The following CSMD3 variants were observed in gnomAD, a reference collection of about 807,000 sequenced individuals.
The protein encoded by CSMD3 is CUB and Sushi multiple domains 3.
In CSMD3, 177 loss-of-function variants were observed where a neutral mutation model predicts 435.2. The observed-to-expected ratio is 0.41, with a 90% CI of 0.36 to 0.46. The LOEUF (loss-of-function observed/expected upper bound fraction) is 0.46. Among genes scored for constraint, CSMD3 ranks in the 20% least tolerant of loss-of-function variants. The probability of loss-of-function intolerance (pLI) is 0.34; values close to 1 mark genes in which losing one functional copy is unlikely to be tolerated. For synonymous variants in CSMD3, 1,656 were observed against 1,520.5 expected (o/e 1.09, Z -2.07); for missense variants, 4,265 against 4,504.6 (o/e 0.95, Z 1.52).
chr8:112,866,534 C>T (rs978273754), intron 10 of CSMD3, among the ~76,000 whole-genome samples: 33 of 151,940 alleles, frequency 2.2e-4, no homozygotes, highest in African/African-American at 7.7e-4. Context: ...ATAATGAATC[C>T]GCTAGAAGAA....
chr8:112,945,634 C>A (rs947599385), intron 9 of CSMD3, among the ~76,000 whole-genome samples: 1 of 141,082 alleles, frequency 7.1e-6, no homozygotes, highest in African/African-American at 2.6e-5. Flanking sequence ...GTATAATATT[C>A]TGAGTTTTAA....
rs1461458725 is a variant in CSMD3 at position 112,223,038 on chromosome 8, T to C, written c.*1733A>G. 5.0e-6 allele frequency: 2 copies of C among 398,416 alleles called. No homozygotes were observed. Among genetic ancestry groups the C allele is most frequent in the Non-Finnish European group, 8.9e-6 (2 of 225,754 alleles). The allele number at this position is 398,416 out of a possible 1,614,324, so 24.7% of individuals were successfully genotyped here. A position where few individuals can be genotyped will look rare whatever the true frequency, so the allele number is the denominator to read the frequency against. Reference sequence around the variant, plus strand: ...AAATATACTTCTTTACAAAAGTGTATGCATTAATATAAGAGGAGTAGCCAG... The same window carrying C: ...AAATATACTTCTTTACAAAAGTGTACGCATTAATATAAGAGGAGTAGCCAG... On this transcript the variant is annotated 3_prime_UTR_variant, in exon 71 of 71. Transcript: ENST00000297405.
chr8:113,073,856 T>C (rs1330957922), intron 5 of CSMD3, among the ~76,000 whole-genome samples: 3 of 151,840 alleles, frequency 2.0e-5, no homozygotes, highest in Non-Finnish European at 4.4e-5. Flanking sequence ...TCATCCTAAT[T>C]AATTACAGGC....
intron 3 of CSMD3, among the ~76,000 whole-genome samples, chr8:113,233,832 T>C (rs1204955151): frequency 6.6e-6 from 1 of 152,128 alleles, no homozygotes; most frequent in Non-Finnish European, 1.5e-5. Flanking sequence ...TTTAGGCTGT[T>C]AGCCACAATT....
At position 112,254,319 on chromosome 8, in the gene CSMD3, G is replaced by C. The variant is rs1815580334; in HGVS notation, c.10044C>G (p.Thr3348=). The change falls in exon 63 of 71, where the codon ACC becomes ACG. Residue 3348 remains threonine, a synonymous_variant. Transcript: ENST00000297405. ...CACCTGGGTTTTCACAAGAGGTTTGGGTAGGCTCTAAAATGAAGATTAAAA... is the reference window on the plus strand; with the variant it reads ...CACCTGGGTTTTCACAAGAGGTTTGCGTAGGCTCTAAAATGAAGATTAAAA... ...SGSSPHCIEP[T]QTSCENPGVP... is the part of the protein sequence containing the mutation. 1 of 1,609,646 alleles carries C rather than the reference G, an allele frequency of 6.2e-7. No homozygotes were observed. The highest frequency in any genetic ancestry group is 1.3e-5 in the African/African-American group (1 of 74,854).
chr8:112,255,311 T>C lies in CSMD3; in HGVS notation c.9979A>G (p.Ser3327Gly). ...CCATCTGCTTGACATATTCTGGTGCTTGATCCCACTAATATGAAAGGAAAA... is the reference window on the plus strand; with the variant it reads ...CCATCTGCTTGACATATTCTGGTGCCTGATCCCACTAATATGAAAGGAAAA... ...CNFPFILVGS[S>G]TRICQADGTW... Residue 3327 changes from serine (S) to glycine (G), a missense_variant, in exon 62 of 71, where the codon AGC (serine) becomes GGC (glycine). Ser to Gly is a moderately conservative substitution (Grantham distance 56, BLOSUM62 0). Transcript: ENST00000297405. The C allele has an allele frequency of 6.2e-7, 1 of 1,613,690 alleles. No homozygotes were observed. The highest frequency in any genetic ancestry group is 8.5e-7 in the Non-Finnish European group (1 of 1,179,734).
At chr8:112,691,888 C>T (rs1480039155) in intron 13 of CSMD3, among the ~76,000 whole-genome samples, 2 of 151,956 alleles carry the variant, frequency 1.3e-5, no homozygotes. Context: ...GTAACCTATG[C>T]CTCCCAGGTT....
At chr8:112,231,492 A>G (rs2129888449) in intron 69 of CSMD3, 53 bp downstream of exon 69, 3 of 1,092,114 alleles carry the variant, frequency 2.7e-6, no homozygotes, top group Middle Eastern at 2.0e-4. Context: ...TCTTTTTTTT[A>G]TGATGTCTGG....
intron 1 of CSMD3, among the ~76,000 whole-genome samples, chr8:113,398,267 A>T (rs1368172275): frequency 6.6e-6 from 1 of 152,130 alleles, no homozygotes; most frequent in Non-Finnish European, 1.5e-5. Context: ...TCCCAAGTGG[A>T]TATCCAATTG....
chr8:112,976,993 C>A (rs1196057059), intron 6 of CSMD3, among the ~76,000 whole-genome samples: 1 of 151,944 alleles, frequency 6.6e-6, no homozygotes, highest in Non-Finnish European at 1.5e-5. Context: ...AATATTACCA[C>A]ATTTTTATTC....
intron 35 of CSMD3, among the ~76,000 whole-genome samples, chr8:112,405,429 A>G (rs1831761950): frequency 6.6e-6 from 1 of 150,772 alleles, no homozygotes; most frequent in Non-Finnish European, 1.5e-5. Context: ...TCGGGCAGAA[A>G]AGAGAGTAAT....
At chr8:112,335,608 A>G (rs1824482590) in intron 44 of CSMD3, 134 bp from the exon 45 acceptor site, 2 of 767,178 alleles carry the variant, frequency 2.6e-6, no homozygotes, top group South Asian at 3.0e-5. Context: ...AAGCTAACCA[A>G]TGAGTACAAA....
rs186833367 is a variant in CSMD3 at position 112,548,342 on chromosome 8, G to T, written c.4564+2329C>A. On this transcript the variant is annotated intron_variant, in intron 27 of 70. Transcript: ENST00000297405. The stretch of plus-strand genomic sequence containing the variant: ...AGGAAACCAAATTGATTAAAATGTA[G>T]AACTCCATTGCAGCTAATAATATAT... Among the ~76,000 whole-genome samples the T allele has an allele frequency of 1.2e-3, 181 of 152,158 alleles. 1 individual carries two copies. Among genetic ancestry groups the T allele is most frequent in the African/African-American group, 3.8e-3 (159 of 41,522 alleles).
intron 1 of CSMD3, among the ~76,000 whole-genome samples, chr8:113,366,646 AATG>A (rs946698250): frequency 6.6e-6 from 1 of 152,064 alleles, no homozygotes; most frequent in African/African-American, 2.4e-5. Context: ...TTGTTTCCAA[AATG>A]ATGTCTTGAG....
At chr8:113,244,955 T>G (rs1364193671) in intron 3 of CSMD3, among the ~76,000 whole-genome samples, 1 of 152,292 alleles carries the variant, frequency 6.6e-6, no homozygotes, top group African/African-American at 2.4e-5. Flanking sequence ...TGTCAATTTT[T>G]GCTATTTGTA....
chr8:112,521,854 CT>C (rs1290153404), intron 27 of CSMD3, among the ~76,000 whole-genome samples: 1 of 151,508 alleles, frequency 6.6e-6, no homozygotes, highest in Admixed American at 6.6e-5. Flanking sequence ...AAAATTTCAC[CT>C]ATATAAATTT....
chr8:112,906,572 G>T (rs77345467), intron 10 of CSMD3, among the ~76,000 whole-genome samples: 2 of 151,378 alleles, frequency 1.3e-5, no homozygotes, highest in Admixed American at 6.6e-5. Flanking sequence ...ATCACTTAAG[G>T]TTTGGGCCAG....
chr8:112,877,174 C>T lies in CSMD3; in HGVS notation c.1634-17908G>A, dbSNP rs574767707. ...GGAAGAATCAATATCGTGAAAATGG[C>T]AATACTGCCCAAAGTAATTTATAGA... On this transcript the variant is annotated intron_variant, in intron 10 of 70. Coordinates refer to ENST00000297405, the MANE Select transcript of CSMD3 (RefSeq NM_198123.2). 1.5e-3 allele frequency among the ~76,000 whole-genome samples: 223 copies of T among 152,036 alleles called. 3 individuals carry two copies. Among genetic ancestry groups the T allele is most frequent in the African/African-American group, 5.2e-3 (217 of 41,474 alleles).
At chr8:112,330,651 T>A (rs1363330983) in intron 45 of CSMD3, among the ~76,000 whole-genome samples, 1 of 152,090 alleles carries the variant, frequency 6.6e-6, no homozygotes, top group Non-Finnish European at 1.5e-5. Context: ...ACTTTGTAGA[T>A]CTTGGGTAAA....
Sources: allele counts gnomAD v4.1 joint callset (sites outside exome capture counted in the v4.1 genomes callset), GRCh38; gene constraint gnomAD v4.1.1; transcripts MANE v1.5; gene names NCBI Gene and HGNC (gene_info 2026-07-23, HGNC 2026-07-21).